The following TACC1 variants were observed in gnomAD, a reference collection of about 807,000 sequenced individuals.
TACC1 encodes the protein transforming acidic coiled-coil-containing protein 1.
A neutral mutation model predicts 84.4 loss-of-function variants in TACC1; 48 were observed. The ratio of observed to expected loss-of-function variants is 0.57; its 90% CI spans 0.45 to 0.72. TACC1 has a LOEUF of 0.72. Among genes scored for constraint, TACC1 ranks in the 30% least tolerant of loss-of-function variants. The pLI is 0.00. For missense variants in TACC1, 920 were observed against 973.0 expected, an observed-to-expected ratio of 0.95 and a Z score of 0.72; for synonymous variants, 372 against 376.3, an observed-to-expected ratio of 0.99 and a Z score of 0.13.
At chr8:38,777,379 T>C (rs1180284557) in intron 3 of TACC1, among the ~76,000 whole-genome samples, 5 of 152,222 alleles carry the variant, frequency 3.3e-5, no homozygotes, top group African/African-American at 7.2e-5. Flanking sequence ...CTGTCTGTTC[T>C]GTGGCTCTAT....
intron 1 of TACC1, among the ~76,000 whole-genome samples, chr8:38,739,417 A>G (rs1259258778): frequency 6.6e-6 from 1 of 152,222 alleles, no homozygotes; most frequent in African/African-American, 2.4e-5. Flanking sequence ...GATCCCCATG[A>G]GAAGCAACTT....
At chr8:38,790,653 G>A (rs902091529) in intron 2 of TACC1, among the ~76,000 whole-genome samples, 5 of 152,168 alleles carry the variant, frequency 3.3e-5, no homozygotes, top group African/African-American at 9.7e-5. Flanking sequence ...CAACTTCTTC[G>A]TAGGTTGCCT....
chr8:38,807,041 G>C (rs1383375871), intron 2 of TACC1, among the ~76,000 whole-genome samples: 2 of 152,134 alleles, frequency 1.3e-5, no homozygotes, highest in African/African-American at 4.8e-5. Context: ...TGTTATAAAG[G>C]ATACAACTCA....
At chr8:38,757,557 G>A in intron 3 of TACC1, 2 of 1,085,010 alleles carry the variant, frequency 1.8e-6, no homozygotes, top group Non-Finnish European at 2.3e-6. Flanking sequence ...AGCGGGGCAC[G>A]AGAGTTTGGC....
At chr8:38,732,945 A>G (rs988277527) in intron 1 of TACC1, among the ~76,000 whole-genome samples, 2 of 152,220 alleles carry the variant, frequency 1.3e-5, no homozygotes, top group African/African-American at 4.8e-5. Flanking sequence ...CTCTTGCAAC[A>G]TGGGCACAGC....
chr8:38,843,286 C>T lies in TACC1; in HGVS notation c.2122-3C>T, dbSNP rs202072888. ...TTTATTTTCAATTTTTGCTTTGGAA[C>T]AGAATGAAGAAGCCTTGAAGAAATG... On this transcript the variant is annotated splice_region_variant and splice_polypyrimidine_tract_variant and intron_variant, in intron 10 of 12. Coordinates refer to ENST00000317827, the MANE Select transcript of TACC1 (RefSeq NM_006283.3). The T allele has an allele frequency of 6.4e-7, 1 of 1,568,174 alleles. No individual in the cohort carries two copies. Among genetic ancestry groups the T allele is most frequent in the Non-Finnish European group, 8.6e-7 (1 of 1,158,576 alleles).
chr8:38,756,133 A>G (rs952986144), intron 3 of TACC1, among the ~76,000 whole-genome samples: 5 of 151,964 alleles, frequency 3.3e-5, no homozygotes, highest in Non-Finnish European at 5.9e-5. Flanking sequence ...GAATTATAAA[A>G]TAAGATTGGT....
chr8:38,827,607 T>C (rs1828386847), intron 5 of TACC1: 1 of 555,064 alleles, frequency 1.8e-6, no homozygotes, highest in East Asian at 3.0e-5. Context: ...TGCTGATGTA[T>C]GTGAGACTGC....
At chr8:38,761,503 GCAAAGT>G (rs1256731854) in intron 3 of TACC1, among the ~76,000 whole-genome samples, 1 of 152,210 alleles carries the variant, frequency 6.6e-6, no homozygotes, top group African/African-American at 2.4e-5. Context: ...CTAGTGAACT[GCAAAGT>G]CAGCAACAGC....
rs1388634213 is a variant in TACC1 at position 38,819,718 on chromosome 8, T to G, written c.474T>G (p.Asp158Glu). 7 of 1,614,040 alleles carry G rather than the reference T, an allele frequency of 4.3e-6. No homozygotes were observed. The Admixed American group carries it at 5.0e-5, about 12-fold the overall frequency. ...IVRPFSIETK[D>E]STDISAVLGT... is the part of the protein sequence containing the mutation. ...GGCCATTTTCAATAGAAACGAAGGA[T>G]TCCACGGATATCTCGGCAGTCCTCG... Residue 158 changes from aspartate to glutamate, a missense_variant, in exon 3 of 13, where the codon GAT becomes GAG. Transcript: ENST00000317827.
At chr8:38,786,744 A>G (rs1817230079), upstream of TACC1, among the ~76,000 whole-genome samples, 1 of 151,682 alleles carries the variant, frequency 6.6e-6, no homozygotes, top group Non-Finnish European at 1.5e-5. Context: ...AATGCCAGGG[A>G]TGGAGATGAA....
At chr8:38,738,023 G>C (rs145876363) in intron 1 of TACC1, among the ~76,000 whole-genome samples, 66 of 152,046 alleles carry the variant, frequency 4.3e-4, no homozygotes, top group African/African-American at 1.5e-3. Context: ...CACTGCGCCC[G>C]GCCTGGGAAC....
chr8:38,729,741 T>A (rs1233650731), intron 1 of TACC1, among the ~76,000 whole-genome samples: 2 of 152,094 alleles, frequency 1.3e-5, no homozygotes, highest in African/African-American at 4.8e-5. Flanking sequence ...TGGTGGCAGG[T>A]ACCTGTAATC....
At chr8:38,790,298 A>G (rs1587704629) in intron 2 of TACC1, among the ~76,000 whole-genome samples, 1 of 152,192 alleles carries the variant, frequency 6.6e-6, no homozygotes, top group Non-Finnish European at 1.5e-5. Flanking sequence ...GTTTGACCTC[A>G]TCTTAACTTG....
chr8:38,817,226 G>A (rs1825632846), intron 2 of TACC1, among the ~76,000 whole-genome samples: 1 of 152,186 alleles, frequency 6.6e-6, no homozygotes, highest in South Asian at 2.1e-4. Context: ...AACTGAGCCA[G>A]TTGTACATGG....
intron 3 of TACC1, among the ~76,000 whole-genome samples, chr8:38,823,044 T>TA (rs1284805049): frequency 6.6e-6 from 1 of 152,220 alleles, no homozygotes; most frequent in Non-Finnish European, 1.5e-5. Context: ...CTTGTCACTG[T>TA]AGATCAGTTG....
At chr8:38,831,228 T>C in intron 6 of TACC1, 51 bp downstream of exon 6, 11 of 1,585,368 alleles carry the variant, frequency 6.9e-6, no homozygotes, top group Non-Finnish European at 9.5e-6. Context: ...CTTTCAGTAT[T>C]TGTTTTGAAG....
intron 3 of TACC1, among the ~76,000 whole-genome samples, chr8:38,754,648 A>G (rs1266932273): frequency 6.6e-6 from 1 of 152,228 alleles, no homozygotes; most frequent in African/African-American, 2.4e-5. Flanking sequence ...CCTGTCTCTT[A>G]AAAGAAAATT....
At chr8:38,778,274 T>TTGTGTGTGTGTG (rs3076914) in intron 3 of TACC1, among the ~76,000 whole-genome samples, 35 of 148,360 alleles carry the variant, frequency 2.4e-4, no homozygotes, top group African/African-American at 8.4e-4. Context: ...ATAATTAAAA[T>TTGTGTGTGTGTG]TGTGTGTGTG....
Sources: allele counts gnomAD v4.1 joint callset (sites outside exome capture counted in the v4.1 genomes callset), GRCh38; gene constraint gnomAD v4.1.1; transcripts MANE v1.5; gene names NCBI Gene and HGNC (gene_info 2026-07-23, HGNC 2026-07-21).